The following PAX7 variants were observed in gnomAD, a reference collection of about 807,000 sequenced individuals.
PAX7 encodes paired box 7.
Under a neutral mutation model 50.7 loss-of-function variants are expected in PAX7, and 18 were observed. The ratio of observed to expected loss-of-function variants is 0.36; its 90% CI spans 0.25 to 0.53. PAX7 has a LOEUF of 0.53. Among genes scored for constraint, PAX7 ranks in the 20% least tolerant of loss-of-function variants. The probability of loss-of-function intolerance (pLI) is 0.93; values close to 1 mark genes in which losing one functional copy is unlikely to be tolerated. For synonymous variants in PAX7, 310 were observed against 290.4 expected, an observed-to-expected ratio of 1.07 and a Z score of -0.69; for missense variants, 644 against 702.9, an observed-to-expected ratio of 0.92 and a Z score of 0.95.
chr1:18,742,410 C>A (rs1048967253), intron 8 of PAX7, among the ~76,000 whole-genome samples: 1 of 152,182 alleles, frequency 6.6e-6, no homozygotes, highest in African/African-American at 2.4e-5. Context: ...CCCACCTTGG[C>A]CTCCCAAAGT....
intron 7 of PAX7, among the ~76,000 whole-genome samples, chr1:18,721,657 C>T (rs1410216463): frequency 6.6e-6 from 1 of 152,196 alleles, no homozygotes; most frequent in Non-Finnish European, 1.5e-5. Context: ...CTGGGGAGCC[C>T]CACACACTCT....
intron 8 of PAX7, among the ~76,000 whole-genome samples, chr1:18,739,046 T>A (rs1930976547): frequency 6.6e-6 from 1 of 152,228 alleles, no homozygotes; most frequent in Non-Finnish European, 1.5e-5. Context: ...TGCCCGCCTA[T>A]GCCCAGGTCC....
intron 7 of PAX7, among the ~76,000 whole-genome samples, chr1:18,729,052 G>A (rs2089614278): frequency 6.6e-6 from 1 of 152,206 alleles, no homozygotes; most frequent in Non-Finnish European, 1.5e-5. Flanking sequence ...AGACCCTTAG[G>A]AACCAAGGCA....
At chr1:18,656,848 C>G (rs528362189) in intron 4 of PAX7, among the ~76,000 whole-genome samples, 1 of 151,780 alleles carries the variant, frequency 6.6e-6, no homozygotes, top group African/African-American at 2.4e-5. Context: ...AAAAATTAGC[C>G]GGGCATGGTG....
intron 7 of PAX7, among the ~76,000 whole-genome samples, chr1:18,728,697 TA>T (rs552854863): frequency 0.054 from 7,067 of 131,638 alleles, 225 homozygotes; most frequent in East Asian, 0.1. Context: ...CCCATTCTAC[TA>T]AAAAAAAAAA....
At chr1:18,672,969 G>T (rs1570152447) in intron 4 of PAX7, among the ~76,000 whole-genome samples, 2 of 152,256 alleles carry the variant, frequency 1.3e-5, no homozygotes, top group Non-Finnish European at 2.9e-5. Context: ...CGGCGCTGAT[G>T]CGGGGAAGAG....
chr1:18,745,010 C>T lies in PAX7; in HGVS notation c.*81C>T. On this transcript the variant is annotated 3_prime_UTR_variant, in exon 9 of 9. Transcript: ENST00000420770. ...TGAGCTTCCCAGCCTTGCCGCCTCA[C>T]CCCCCTGTTGTCCTAGGAGGCCAGG... The T allele has an allele frequency of 1.2e-6, 1 of 808,468 alleles. No homozygotes were observed. The highest frequency in any genetic ancestry group is 2.1e-6 in the Non-Finnish European group (1 of 487,494). 50.1% of individuals were successfully genotyped at this position (808,468 alleles called of 1,614,324 possible).
At chr1:18,666,718 G>A (rs936459476) in intron 4 of PAX7, among the ~76,000 whole-genome samples, 1 of 152,178 alleles carries the variant, frequency 6.6e-6, no homozygotes, top group African/African-American at 2.4e-5. Flanking sequence ...CAAAGTCCTC[G>A]GGGTTCAACC....
At chr1:18,719,762 A>G (rs1380498790) in intron 7 of PAX7, among the ~76,000 whole-genome samples, 3 of 151,744 alleles carry the variant, frequency 2.0e-5, no homozygotes, top group African/African-American at 7.3e-5. Context: ...AACCAACTTC[A>G]TTCTCCTTGT....
At chr1:18,722,436 C>T (rs964798650) in intron 7 of PAX7, among the ~76,000 whole-genome samples, 4 of 152,158 alleles carry the variant, frequency 2.6e-5, no homozygotes, top group Admixed American at 2.0e-4. Flanking sequence ...TTGTTTGGTA[C>T]GTCAATGCCG....
At chr1:18,637,327 G>A (rs1377324349) in intron 4 of PAX7, among the ~76,000 whole-genome samples, 8 of 152,210 alleles carry the variant, frequency 5.3e-5, no homozygotes, top group African/African-American at 1.9e-4. Flanking sequence ...GTAAGTGCAC[G>A]TTAAGGGGCG....
At chr1:18,653,184 T>A (rs879628509) in intron 4 of PAX7, among the ~76,000 whole-genome samples, 2 of 131,406 alleles carry the variant, frequency 1.5e-5, no homozygotes, top group African/African-American at 5.5e-5. Flanking sequence ...CTGGGTTTTT[T>A]TCATTTTTTT....
intron 7 of PAX7, among the ~76,000 whole-genome samples, chr1:18,709,401 C>G (rs1351555633): frequency 6.6e-6 from 1 of 152,248 alleles, no homozygotes; most frequent in Non-Finnish European, 1.5e-5. Flanking sequence ...TCCCCACACA[C>G]CGACCTAATG....
chr1:18,742,668 T>G (rs1931213904), intron 8 of PAX7, among the ~76,000 whole-genome samples: 1 of 152,162 alleles, frequency 6.6e-6, no homozygotes, highest in Non-Finnish European at 1.5e-5. Context: ...GCCAAGTGAC[T>G]TCAGAGGAAG....
intron 4 of PAX7, among the ~76,000 whole-genome samples, chr1:18,650,427 G>A (rs959745754): frequency 1.3e-5 from 2 of 152,220 alleles, no homozygotes; most frequent in Admixed American, 1.3e-4. Flanking sequence ...GGAGCAGCTG[G>A]CTTGCAATGC....
At chr1:18,691,085 C>T (rs935202883) in intron 4 of PAX7, among the ~76,000 whole-genome samples, 14 of 152,148 alleles carry the variant, frequency 9.2e-5, no homozygotes, top group African/African-American at 3.4e-4. Flanking sequence ...TCAAGCGATT[C>T]TCCCACCTCA....
At chr1:18,669,130 T>A (rs2088708342) in intron 4 of PAX7, among the ~76,000 whole-genome samples, 1 of 152,208 alleles carries the variant, frequency 6.6e-6, no homozygotes, top group Non-Finnish European at 1.5e-5. Context: ...TCTCCTTTCC[T>A]TCTGCTTTCT....
intron 7 of PAX7, among the ~76,000 whole-genome samples, chr1:18,712,730 G>A (rs182793367): frequency 2.8e-4 from 43 of 152,268 alleles, no homozygotes; most frequent in African/African-American, 1.0e-3. Flanking sequence ...GGAAGATATC[G>A]GGTCTTCAGC....
chr1:18,637,044 G>C (rs971503840), intron 4 of PAX7, among the ~76,000 whole-genome samples: 3 of 152,102 alleles, frequency 2.0e-5, no homozygotes, highest in African/African-American at 2.4e-5. Context: ...GGATCGCAGT[G>C]GGGGAGAGAC....
Sources: gnomAD v4.1 joint callset for allele counts (sites outside exome capture counted in the v4.1 genomes callset) on GRCh38, gnomAD v4.1.1 for gene constraint, MANE v1.5 for transcripts, NCBI Gene and HGNC (gene_info 2026-07-23, HGNC 2026-07-21) for gene names.